CRAMP1: variants seen among roughly 807,000 people sequenced by gnomAD.
The protein encoded by CRAMP1 is cramped chromatin regulator 1, also known as protein cramped-like.
CRAMP1 carries 50 observed loss-of-function variants against 115.4 expected under a neutral mutation model. The observed-to-expected ratio is 0.43, with a 90% CI of 0.35 to 0.55. The LOEUF is 0.55. Ranked by LOEUF, CRAMP1 falls within the 20% of genes least tolerant of loss-of-function variation. CRAMP1 has a pLI of 0.01. For missense variants in CRAMP1, 1,679 were observed against 1,721.7 expected, an observed-to-expected ratio of 0.98 and a Z score of 0.44; for synonymous variants, 866 against 745.4, an observed-to-expected ratio of 1.16 and a Z score of -2.64.
chr16:1,655,960 C>T lies in CRAMP1; in HGVS notation c.1203C>T (p.Gly401=), dbSNP rs760921333. ...QEKVTLHLFP[G]ENCTLTPLPG... ...AGGTGACACTGCACTTGTTCCCAGG[C>T]GAGAACTGTACACTGACACCGCTGC... is the stretch of plus-strand genomic sequence containing the variant. Residue 401 remains glycine, a synonymous_variant, in exon 10 of 21, where the codon GGC becomes GGT. Coordinates refer to ENST00000397412, the MANE Select transcript of CRAMP1 (RefSeq NM_020825.4). 1.2e-6 allele frequency: 2 copies of T among 1,613,090 alleles called. No individual in the cohort carries two copies. Among genetic ancestry groups the T allele is most frequent in the Non-Finnish European group, 1.7e-6 (2 of 1,179,888 alleles).
chr16:1,659,911 C>T lies in CRAMP1; in HGVS notation c.2261C>T (p.Thr754Ile), dbSNP rs1021525675. Residue 754 changes from threonine (T) to isoleucine (I), a missense_variant, in exon 11 of 21, where the codon ACA becomes ATA. Physicochemically the swap from Thr to Ile is moderately conservative, Grantham distance 89. Coordinates refer to ENST00000397412, the MANE Select transcript of CRAMP1 (RefSeq NM_020825.4). ...GCTCTGGAAGCAAACACCATCTCTA[C>T]AGCCTCAGTAAGGCCCGCCCAGGAG... ...KLALEANTIS[T>I]ASVRPAQEEQ... is the part of the protein sequence containing the mutation. 3.1e-6 allele frequency: 5 copies of T among 1,613,174 alleles called. No individual in the cohort carries two copies. The highest frequency in any genetic ancestry group is 1.1e-5 in the South Asian group (1 of 91,086).
chr16:1,626,270 G>T, intron 3 of CRAMP1, 104 bp downstream of exon 3: 1 of 1,151,440 alleles, frequency 8.7e-7, no homozygotes. Flanking sequence ...CTAGAACGCA[G>T]ATTCCTGGGC....
chr16:1,664,334 G>C (rs2036856561), intron 13 of CRAMP1, among the ~76,000 whole-genome samples: 1 of 152,224 alleles, frequency 6.6e-6, no homozygotes, highest in Non-Finnish European at 1.5e-5. Context: ...TGGTGCCTGT[G>C]TGTTACAAGC....
Position 1,670,644 on chromosome 16 carries a change from C to T in CRAMP1, c.3500-20C>T. ...ACCAAGCAGGGTTCAGGGTGTTTTC[C>T]TCTGGCCTTTTCTCCGCAGCAAGCT... On this transcript the variant is annotated intron_variant, in intron 19 of 20. Coordinates refer to ENST00000397412, the MANE Select transcript of CRAMP1 (RefSeq NM_020825.4). 6.2e-7 allele frequency: 1 copy of T among 1,613,452 alleles called. No individual in the cohort carries two copies. The highest frequency in any genetic ancestry group is 1.3e-5 in the African/African-American group (1 of 75,042).
intron 6 of CRAMP1, among the ~76,000 whole-genome samples, chr16:1,643,775 A>AG (rs1222484808): frequency 6.6e-6 from 1 of 152,212 alleles, no homozygotes; most frequent in Non-Finnish European, 1.5e-5. Flanking sequence ...CCAAATGAAG[A>AG]GGGAGCCTGG....
chr16:1,661,622 G>A (rs1249084537), intron 11 of CRAMP1, among the ~76,000 whole-genome samples: 2 of 146,356 alleles, frequency 1.4e-5, no homozygotes, highest in Non-Finnish European at 3.0e-5. Flanking sequence ...TTGAGATGGA[G>A]TCTCGCTCTG....
intron 8 of CRAMP1, 24 bp downstream of exon 8, chr16:1,653,180 AG>A: frequency 1.9e-6 from 3 of 1,600,294 alleles, no homozygotes; most frequent in Non-Finnish European, 2.6e-6. Context: ...TGGCACGCAG[AG>A]GGGTCCCAAC....
chr16:1,617,402 A>C (rs1305377508), intron 2 of CRAMP1, among the ~76,000 whole-genome samples: 2 of 152,254 alleles, frequency 1.3e-5, no homozygotes, highest in Non-Finnish European at 1.5e-5. Flanking sequence ...AAAGAAGGCC[A>C]GGTGGTGGCA....
rs182524630 is a variant in CRAMP1, at chr16:1,644,059, G to A, written c.827+2872G>A. Among the ~76,000 whole-genome samples the A allele has an allele frequency of 1.1e-4, 16 of 152,340 alleles. No individual in the cohort carries two copies. The East Asian group carries it at 2.5e-3, about 24-fold the overall frequency. On this transcript the variant is annotated intron_variant, in intron 6 of 20. Coordinates refer to ENST00000397412, the MANE Select transcript of CRAMP1 (RefSeq NM_020825.4). ...AGAAAAGGTGAGCTCAGGTGTGGGC[G>A]CTGATGGGGAATTTGCCCGTGTAGC...
chr16:1,657,642 C>T (rs1432629371), intron 10 of CRAMP1, among the ~76,000 whole-genome samples: 1 of 152,132 alleles, frequency 6.6e-6, no homozygotes, highest in African/African-American at 2.4e-5. Flanking sequence ...CAGGACGGTC[C>T]CTGCAGGGTG....
chr16:1,654,938 A>G (rs2036756863), intron 8 of CRAMP1, among the ~76,000 whole-genome samples: 1 of 152,236 alleles, frequency 6.6e-6, no homozygotes, highest in African/African-American at 2.4e-5. Context: ...GTGCGCCAGC[A>G]CCCACGCCCA....
At chr16:1,641,025 T>C in intron 5 of CRAMP1, 114 bp from the exon 6 acceptor site, 1 of 709,844 alleles carries the variant, frequency 1.4e-6, no homozygotes, top group Non-Finnish European at 2.4e-6. Context: ...CAGAGGAACT[T>C]TAATATTCGG....
intron 3 of CRAMP1, among the ~76,000 whole-genome samples, chr16:1,626,439 C>T (rs979646645): frequency 2.0e-5 from 3 of 152,158 alleles, no homozygotes; most frequent in Admixed American, 1.3e-4. Flanking sequence ...TATTCTCACC[C>T]CTTGTCTCTC....
Position 1,656,951 on chromosome 16 carries a change from T to A in CRAMP1, c.2194T>A (p.Cys732Ser). ...TALHKQRLLS[C>S]LLKLISTEVN... ...CCTCCACAAGCAGCGCCTCCTCAGC[T>A]GCCTCCTGAAGCTCATTTCCACCGA... The change falls in exon 10 of 21, where the codon TGC becomes AGC. Residue 732 changes from cysteine to serine, a missense_variant. This residue lies in a region of CRAMP1 where 709 missense variants were observed against 741.9 expected (regional missense o/e 0.96). Coordinates refer to ENST00000397412, the MANE Select transcript of CRAMP1 (RefSeq NM_020825.4). The surrounding 1 kb of genome is among the most constrained non-coding windows in gnomAD (Gnocchi z 5.6). The A allele has an allele frequency of 6.4e-7, 1 of 1,559,794 alleles. No individual in the cohort carries two copies. The highest frequency in any genetic ancestry group is 2.4e-5 in the East Asian group (1 of 42,286).
At chr16:1,640,222 C>T (rs2036620910) in intron 5 of CRAMP1, among the ~76,000 whole-genome samples, 1 of 152,130 alleles carries the variant, frequency 6.6e-6, no homozygotes, top group South Asian at 2.1e-4. Flanking sequence ...TATTATTAAT[C>T]TGAAAATTCT....
rs934929492 is a variant in CRAMP1 at position 1,656,510 on chromosome 16, G to A, written c.1753G>A (p.Gly585Arg). ...EQCRCADTRP[G>R]SEQPPLGGAA... ...GTGCCGCTGTGCGGACACACGGCCT[G>A]GGAGCGAGCAGCCCCCTCTGGGCGG... is the stretch of plus-strand genomic sequence containing the variant. Residue 585 changes from glycine (G) to arginine (R), a missense_variant, in exon 10 of 21, where the codon GGG becomes AGG. Physicochemically the swap from Gly to Arg is moderately radical, Grantham distance 125 (BLOSUM62 -2). Around this residue, in one of 8 missense-constraint regions of CRAMP1, gnomAD observed 405 missense variants for 302.6 expected, o/e 1.34. Coordinates refer to ENST00000397412, the MANE Select transcript of CRAMP1 (RefSeq NM_020825.4). The surrounding 1 kb of genome is among the most constrained non-coding windows in gnomAD (Gnocchi z 5.6). 3 of 1,566,204 alleles carry A rather than the reference G, an allele frequency of 1.9e-6. No individual in the cohort carries two copies. Among genetic ancestry groups the A allele is most frequent in the Admixed American group, 1.9e-5 (1 of 53,148 alleles).
At position 1,652,915 on chromosome 16, in the gene CRAMP1, C is replaced by T. The variant is rs974748409; in HGVS notation, c.914-118C>T. 9 of 1,244,588 alleles carry T rather than the reference C, an allele frequency of 7.2e-6. No individual in the cohort carries two copies. The African/African-American group carries it at 1.3e-4, about 19-fold the overall frequency. 77.1% of individuals were successfully genotyped at this position (1,244,588 alleles called of 1,614,324 possible). ...CGCTGGGGTTTCTCTGCTCTCCTTG[C>T]CTCTGTTTGCAAGGCCATCTGCTCA... On this transcript the variant is annotated intron_variant, in intron 7 of 20. Coordinates refer to ENST00000397412, the MANE Select transcript of CRAMP1 (RefSeq NM_020825.4).
rs555139318 is a variant in CRAMP1 at position 1,666,194 on chromosome 16, A to G, written c.2857+17A>G. ...ACCTGGCCAGTAAGTCTGTACCTGC[A>G]TGGCCACAGCCACTGAGTGAGCCTC... On this transcript the variant is annotated intron_variant, in intron 15 of 20. Coordinates refer to ENST00000397412, the MANE Select transcript of CRAMP1 (RefSeq NM_020825.4). This position sits in a 1 kb window ranked among gnomAD's most constrained non-coding sequence, Gnocchi z 5.0. 9.1e-6 allele frequency: 14 copies of G among 1,541,690 alleles called. No individual in the cohort carries two copies. In the African/African-American group the frequency reaches 9.5e-5, roughly 10 times the overall value.
intron 13 of CRAMP1, among the ~76,000 whole-genome samples, chr16:1,663,409 C>G (rs2036849201): frequency 6.6e-6 from 1 of 152,154 alleles, no homozygotes; most frequent in African/African-American, 2.4e-5. Flanking sequence ...TTAGAAATCT[C>G]TTTCTCCCTT....
Sources: allele counts gnomAD v4.1 joint callset (sites outside exome capture counted in the v4.1 genomes callset), GRCh38; gene constraint gnomAD v4.1.1; regional missense constraint gnomAD v4.1.1; non-coding constraint Gnocchi (gnomAD v3.1); transcripts MANE v1.5; gene names NCBI Gene and HGNC (gene_info 2026-07-23, HGNC 2026-07-21).